The following SLC35F2 variants were observed in gnomAD, a reference collection of about 807,000 sequenced individuals.
SLC35F2 encodes the protein queuine/queuosine transporter SLC35F2.
In SLC35F2, 25 loss-of-function variants were observed where a neutral mutation model predicts 38.1. The ratio of observed to expected loss-of-function variants is 0.66; its 90% CI spans 0.48 to 0.92. The LOEUF is 0.92. Ranked by LOEUF, SLC35F2 falls within the 40% of genes least tolerant of loss-of-function variation. The pLI is 0.00. For missense variants in SLC35F2, 409 were observed against 452.9 expected (o/e 0.90, Z 0.88); for synonymous variants, 173 against 181.7 (o/e 0.95, Z 0.38).
At chr11:107,825,846 A>C (rs1419457176) in intron 1 of SLC35F2, among the ~76,000 whole-genome samples, 1 of 152,120 alleles carries the variant, frequency 6.6e-6, no homozygotes, top group Non-Finnish European at 1.5e-5. Flanking sequence ...TGTTTTTGAC[A>C]CTTCAAAAAC....
chr11:107,823,186 A>G (rs1859702155), intron 1 of SLC35F2: 1 of 985,300 alleles, frequency 1.0e-6, no homozygotes, highest in Admixed American at 6.2e-5. Context: ...TCCAAGTATC[A>G]GCCTATTTTA....
At chr11:107,839,683 C>T (rs1213742047) in intron 1 of SLC35F2, among the ~76,000 whole-genome samples, 3 of 152,150 alleles carry the variant, frequency 2.0e-5, no homozygotes, top group Non-Finnish European at 4.4e-5. Context: ...GACGGAGTTT[C>T]GCTCTTGTAG....
In SLC35F2 at chr11:107,805,373, G is replaced by A. The variant is rs1323367589; in HGVS notation, c.717C>T (p.Ile239=). Residue 239 remains isoleucine, a synonymous_variant, in exon 5 of 8, where the codon ATC becomes ATT. Coordinates refer to ENST00000525815, the MANE Select transcript of SLC35F2 (RefSeq NM_017515.5). ...TAGAATCTTACAGCTGTATACCACT[G>A]ATAATTGTTCCAAACAGGCCCACCA... ...LGMVGLFGTI[I]SGIQLLIVEY... is the part of the protein sequence containing the mutation. The A allele has an allele frequency of 6.2e-7, 1 of 1,613,516 alleles. No individual in the cohort carries two copies. Among genetic ancestry groups the A allele is most frequent in the East Asian group, 2.2e-5 (1 of 44,882 alleles).
intron 7 of SLC35F2, among the ~76,000 whole-genome samples, chr11:107,798,096 T>C (rs1011422764): frequency 1.2e-4 from 19 of 152,146 alleles, no homozygotes; most frequent in Admixed American, 6.5e-5. Context: ...CTCTACCTCC[T>C]GGGCTCAAGC....
chr11:107,792,968 G>A (rs1859157071), intron 7 of SLC35F2, 168 bp from the exon 8 acceptor site: 1 of 962,848 alleles, frequency 1.0e-6, no homozygotes, highest in East Asian at 1.2e-4. Context: ...CCAGGCTGGA[G>A]TGCAGTGGCA....
chr11:107,831,453 G>A (rs556857412), intron 1 of SLC35F2, among the ~76,000 whole-genome samples: 4 of 152,166 alleles, frequency 2.6e-5, no homozygotes, highest in South Asian at 2.1e-4. Flanking sequence ...TCAAACTCCC[G>A]GCCTCAGGCG....
At position 107,832,064 on chromosome 11, in the gene SLC35F2, C is replaced by T. The variant is rs183182542; in HGVS notation, c.111-16099G>A. On this transcript the variant is annotated intron_variant, in intron 1 of 7. Coordinates refer to ENST00000525815, the MANE Select transcript of SLC35F2 (RefSeq NM_017515.5). ...TATTTTTTTTTTCTGCTGATCTTCACCAAATGTTATACTGCATTTCTTAGA... is the reference window on the plus strand; with the variant it reads ...TATTTTTTTTTTCTGCTGATCTTCATCAAATGTTATACTGCATTTCTTAGA... Among the ~76,000 whole-genome samples the T allele has an allele frequency of 1.8e-4, 27 of 152,156 alleles. No individual in the cohort carries two copies. The East Asian group carries it at 5.0e-3, about 28-fold the overall frequency.
chr11:107,832,953 C>T (rs1859869172), intron 1 of SLC35F2, among the ~76,000 whole-genome samples: 1 of 152,316 alleles, frequency 6.6e-6, no homozygotes, highest in South Asian at 2.1e-4. Context: ...TTTTGTTTCT[C>T]TCCCAACCTC....
chr11:107,804,668 C>A, intron 6 of SLC35F2, 50 bp downstream of exon 6: 1 of 1,298,434 alleles, frequency 7.7e-7, no homozygotes. Flanking sequence ...TCTAGATGTT[C>A]ATTTGTTTGT....
At chr11:107,802,899 A>T in intron 7 of SLC35F2, 102 bp downstream of exon 7, 3 of 1,163,010 alleles carry the variant, frequency 2.6e-6, no homozygotes, top group Non-Finnish European at 3.5e-6. Context: ...CTTGCCAAGA[A>T]GATGAGAAGG....
At chr11:107,797,432 A>C (rs1448293949) in intron 7 of SLC35F2, among the ~76,000 whole-genome samples, 1 of 152,178 alleles carries the variant, frequency 6.6e-6, no homozygotes, top group East Asian at 1.9e-4. Context: ...AGGCACCTGC[A>C]GTCCCAGCTA....
intron 1 of SLC35F2, among the ~76,000 whole-genome samples, chr11:107,851,965 C>T (rs1411936386): frequency 6.6e-6 from 1 of 152,166 alleles, no homozygotes; most frequent in African/African-American, 2.4e-5. Context: ...ACAGTGAGAG[C>T]TCAATAGATG....
intron 1 of SLC35F2, among the ~76,000 whole-genome samples, chr11:107,836,081 G>T (rs1295246834): frequency 6.6e-6 from 1 of 152,204 alleles, no homozygotes; most frequent in Non-Finnish European, 1.5e-5. Context: ...AAAGGAATCA[G>T]TATTTTTCTA....
At chr11:107,844,577 G>A (rs1051205683) in intron 1 of SLC35F2, among the ~76,000 whole-genome samples, 34 of 149,796 alleles carry the variant, frequency 2.3e-4, no homozygotes, top group African/African-American at 6.2e-4. Flanking sequence ...AACTGAGATC[G>A]CCCCACTGCA....
In SLC35F2 at chr11:107,845,950, C is replaced by CATAAATAAATAAATAAATAA. The variant is rs57548679; in HGVS notation, c.110+12688_110+12707dup. Among the ~76,000 whole-genome samples, 27 of 142,926 alleles carry CATAAATAAATAAATAAATAA rather than the reference C, an allele frequency of 1.9e-4. No homozygotes were observed. The East Asian group carries it at 2.9e-3, about 15-fold the overall frequency. 93.8% of individuals were successfully genotyped at this position (142,926 alleles called of 152,430 possible). A position where few individuals can be genotyped will look rare whatever the true frequency, so the allele number is the denominator to read the frequency against. ...CCTGGGCGACAGACTGAGATTCTGT[C>CATAAATAAATAAATAAATAA]ATAAATAAATAAATAAATAAATAAA... On this transcript the variant is annotated intron_variant, in intron 1 of 7. Coordinates refer to ENST00000525815, the MANE Select transcript of SLC35F2 (RefSeq NM_017515.5).
At chr11:107,819,242 T>G (rs1032843191) in intron 1 of SLC35F2, among the ~76,000 whole-genome samples, 1 of 152,170 alleles carries the variant, frequency 6.6e-6, no homozygotes, top group African/African-American at 2.4e-5. Flanking sequence ...GCATCTTCAG[T>G]TTCGTTTTCC....
intron 1 of SLC35F2, among the ~76,000 whole-genome samples, chr11:107,844,288 G>C (rs1256917649): frequency 1.3e-5 from 2 of 152,066 alleles, no homozygotes; most frequent in South Asian, 2.1e-4. Context: ...TTTCACATCT[G>C]TGAAATGGCA....
intron 1 of SLC35F2, among the ~76,000 whole-genome samples, chr11:107,855,083 G>T (rs1385179107): frequency 6.6e-6 from 1 of 152,178 alleles, no homozygotes; most frequent in African/African-American, 2.4e-5. Flanking sequence ...GTCTGATAAA[G>T]AGAAACTGCA....
In SLC35F2 at chr11:107,805,500, A is replaced by G. The variant is rs1859376776; in HGVS notation, c.590T>C (p.Ile197Thr). 5.6e-6 allele frequency: 9 copies of G among 1,613,496 alleles called. No homozygotes were observed. The East Asian group carries it at 1.1e-4, about 20-fold the overall frequency. ...CCCAAGAAGGACCAAGATGTCACCA[A>G]TCAATACATCACTCCCTGCAGGAAG... ...REDNSGSDVLIGDILVLLGAS... is the reference protein window; with the variant it reads ...REDNSGSDVLTGDILVLLGAS... Residue 197 changes from isoleucine (I) to threonine (T), a missense_variant, in exon 5 of 8, where the codon ATT (isoleucine) becomes ACT (threonine). Ile to Thr is a moderately conservative substitution (Grantham distance 89). Transcript: ENST00000525815.
Sources: allele counts gnomAD v4.1 joint callset (sites outside exome capture counted in the v4.1 genomes callset), GRCh38; gene constraint gnomAD v4.1.1; transcripts MANE v1.5; gene names NCBI Gene and HGNC (gene_info 2026-07-23, HGNC 2026-07-21).